BOD1L1: variants seen among roughly 807,000 people sequenced by gnomAD.
BOD1L1 encodes the protein biorientation of chromosomes in cell division protein 1-like 1.
BOD1L1 carries 86 observed loss-of-function variants against 240.7 expected under a neutral mutation model. That is an observed-to-expected ratio of 0.36 (90% CI 0.30 to 0.43). The LOEUF is 0.43. Ranked by LOEUF, BOD1L1 falls within the 20% of genes least tolerant of loss-of-function variation. The pLI is 1.00. For synonymous variants in BOD1L1, 1,268 were observed against 1,272.3 expected, an observed-to-expected ratio of 1.00 and a Z score of 0.07; for missense variants, 3,554 against 3,643.5, an observed-to-expected ratio of 0.98 and a Z score of 0.63.
rs774556420 is a variant in BOD1L1, at chr4:13,600,161, T to C, written c.6739A>G (p.Met2247Val). 5.6e-6 allele frequency: 9 copies of C among 1,614,004 alleles called. No homozygotes were observed. The Admixed American group carries it at 1.3e-4, about 24-fold the overall frequency. The change falls in exon 10 of 26, where the codon ATG (methionine) becomes GTG (valine). Residue 2247 changes from methionine to valine, a missense_variant. By Grantham distance (21) the Met-to-Val change is conservative. Around this residue, in one of 2 missense-constraint regions of BOD1L1, gnomAD observed 3,393 missense variants for 3,427.1 expected, o/e 0.99. Coordinates refer to ENST00000040738, the MANE Select transcript of BOD1L1 (RefSeq NM_148894.3). ...ESENERAGTV[M>V]EEKDGSGIIS... ...ATGCCACTCCCGTCTTTTTCTTCCA[T>C]GACTGTGCCAGCTCGCTCATTTTCA... is the stretch of plus-strand genomic sequence containing the variant.
At position 13,581,203 on chromosome 4, in the gene BOD1L1, T is replaced by C; in HGVS notation, c.8597A>G (p.Asp2866Gly). ...TTTCCTTTTAATAATTATTGGCTGA[T>C]CTTCCTAAGGGGGAAATAAAAAACA... ...DDDTIKSQEEDQPIIIKRKRG... is the reference protein window; with the variant it reads ...DDDTIKSQEEGQPIIIKRKRG... The change falls in exon 20 of 26, where the codon GAT (aspartate) becomes GGT (glycine). Residue 2866 changes from aspartate to glycine, a missense_variant. Asp to Gly is a moderately conservative substitution (Grantham distance 94). This residue lies in a region of BOD1L1 where 3,393 missense variants were observed against 3,427.1 expected (regional missense o/e 0.99). Coordinates refer to ENST00000040738, the MANE Select transcript of BOD1L1 (RefSeq NM_148894.3). 6.4e-7 allele frequency: 1 copy of C among 1,561,902 alleles called. No homozygotes were observed. Among genetic ancestry groups the C allele is most frequent in the Non-Finnish European group, 8.7e-7 (1 of 1,151,718 alleles).
In BOD1L1 at chr4:13,595,920, T is replaced by G. The variant is rs779349235; in HGVS notation, c.8044A>C (p.Lys2682Gln). 6.2e-7 allele frequency: 1 copy of G among 1,613,672 alleles called. No homozygotes were observed. The highest frequency in any genetic ancestry group is 8.5e-7 in the Non-Finnish European group (1 of 1,179,850). Residue 2682 changes from lysine to glutamine, a missense_variant, in exon 12 of 26, where the codon AAA becomes CAA. Coordinates refer to ENST00000040738, the MANE Select transcript of BOD1L1 (RefSeq NM_148894.3). The stretch of plus-strand genomic sequence containing the variant: ...GGTGGTGCCAGAATTTCACCATTTT[T>G]CTCTTCCTCTGAAGGCACATAAGCC... ...MEAYVPSEEE[K>Q]NGEILAPPES...
Position 13,599,468 on chromosome 4 carries a change from T to C in BOD1L1, c.7432A>G (p.Thr2478Ala). 1 of 1,614,016 alleles carries C rather than the reference T, an allele frequency of 6.2e-7. No individual in the cohort carries two copies. The highest frequency in any genetic ancestry group is 8.5e-7 in the Non-Finnish European group (1 of 1,179,876). Reference protein sequence around the residue: ...SLQKEDKSPETGTAGGSSTAS... With the variant: ...SLQKEDKSPEAGTAGGSSTAS... ...GTGCTACTGCCCCCTGCTGTCCCTGTCTCTGGGCTCTTATCTTCTTTCTGA... is the reference window on the plus strand; with the variant it reads ...GTGCTACTGCCCCCTGCTGTCCCTGCCTCTGGGCTCTTATCTTCTTTCTGA... The change falls in exon 10 of 26, where the codon ACA becomes GCA. Residue 2478 changes from threonine (T) to alanine (A), a missense_variant. By Grantham distance (58) the Thr-to-Ala change is moderately conservative (BLOSUM62 0). Coordinates refer to ENST00000040738, the MANE Select transcript of BOD1L1 (RefSeq NM_148894.3).
intron 10 of BOD1L1, 147 bp downstream of exon 10, chr4:13,598,799 T>C (rs1714823297): frequency 6.4e-6 from 5 of 783,730 alleles, no homozygotes; most frequent in Admixed American, 3.2e-5. Context: ...GAGAGTTATT[T>C]TGCAACATTA....
chr4:13,599,688 G>A lies in BOD1L1; in HGVS notation c.7212C>T (p.Thr2404=), dbSNP rs557778662. 2.1e-5 allele frequency: 34 copies of A among 1,613,726 alleles called. No individual in the cohort carries two copies. The Admixed American group carries it at 4.2e-4, about 20-fold the overall frequency. The part of the protein sequence containing the change: ...KEPGPVLAVS[T]EEGHNGPSVH... Reference sequence around the variant, plus strand: ...CTGATGGCCCGTTGTGCCCCTCCTCGGTGCTCACTGCCAACACGGGACCCG... The same window carrying A: ...CTGATGGCCCGTTGTGCCCCTCCTCAGTGCTCACTGCCAACACGGGACCCG... The change falls in exon 10 of 26, where the codon ACC becomes ACT. Residue 2404 remains threonine, a synonymous_variant. Coordinates refer to ENST00000040738, the MANE Select transcript of BOD1L1 (RefSeq NM_148894.3).
chr4:13,619,878 C>T, intron 2 of BOD1L1, 65 bp downstream of exon 2: 1 of 1,555,164 alleles, frequency 6.4e-7, no homozygotes, highest in Non-Finnish European at 8.8e-7. Flanking sequence ...TGTAATGCCT[C>T]CGCTTTCAGG....
chr4:13,596,284 G>A (rs1324290801), intron 11 of BOD1L1, among the ~76,000 whole-genome samples: 1 of 152,014 alleles, frequency 6.6e-6, no homozygotes, highest in African/African-American at 2.4e-5. Flanking sequence ...CAGCGCCTGA[G>A]ACACACCACG....
chr4:13,627,296 TG>T (rs2109009815), intron 1 of BOD1L1, 48 bp downstream of exon 1: 1 of 1,115,670 alleles, frequency 9.0e-7, no homozygotes, highest in East Asian at 3.7e-5. Flanking sequence ...AGCGCGCCCT[TG>T]GGTCCTCCCC....
chr4:13,573,936 T>G (rs1295299240), intron 25 of BOD1L1, among the ~76,000 whole-genome samples: 1 of 152,080 alleles, frequency 6.6e-6, no homozygotes, highest in Non-Finnish European at 1.5e-5. Context: ...CTCAGCCTCC[T>G]GAGTAGCTGG....
At position 13,605,100 on chromosome 4, in the gene BOD1L1, G is replaced by C; in HGVS notation, c.1816-16C>G. On this transcript the variant is annotated splice_polypyrimidine_tract_variant and intron_variant, in intron 9 of 25. Transcript: ENST00000040738. ...TTTCACAATGCTGAAAGAAAACAAA[G>C]GTTAAAATATGAGAAATACCAAAAT... 6.7e-7 allele frequency: 1 copy of C among 1,493,530 alleles called. No individual in the cohort carries two copies. Among genetic ancestry groups the C allele is most frequent in the East Asian group, 2.4e-5 (1 of 42,336 alleles). 92.5% of individuals were successfully genotyped at this position (1,493,530 alleles called of 1,614,324 possible).
intron 6 of BOD1L1, among the ~76,000 whole-genome samples, chr4:13,610,625 G>A (rs953873069): frequency 6.6e-6 from 1 of 152,206 alleles, no homozygotes; most frequent in African/African-American, 2.4e-5. Flanking sequence ...TTCATGTTTA[G>A]ACTTGCATTC....
At chr4:13,625,815 C>T (rs1266805730) in intron 1 of BOD1L1, 2 of 152,116 alleles carry the variant, frequency 1.3e-5, no homozygotes, top group Non-Finnish European at 2.9e-5. Flanking sequence ...GATGAACACT[C>T]CCAAGTGAAT....
chr4:13,625,775 A>C (rs1232661099), intron 1 of BOD1L1: 1 of 152,242 alleles, frequency 6.6e-6, no homozygotes, highest in Non-Finnish European at 1.5e-5. Context: ...TCCTGAAGAC[A>C]AAAGTAAAAA....
Position 13,604,356 on chromosome 4 carries a change from A to G in BOD1L1, c.2544T>C (p.Ser848=), listed in dbSNP as rs1420729208. 4 of 1,581,166 alleles carry G rather than the reference A, an allele frequency of 2.5e-6. No individual in the cohort carries two copies. In the African/African-American group the frequency reaches 4.1e-5, roughly 16 times the overall value. ...AACCCAGAGAATCTTTCTGAATTTT[A>G]GAATCACTTGACCTTCTTGATTTGT... ...AEHKSRRSSD[S]KIQKDSLGSK... is the part of the protein sequence containing the mutation. Residue 848 remains serine (S), a synonymous_variant, in exon 10 of 26, where the codon TCT becomes TCC. Coordinates refer to ENST00000040738, the MANE Select transcript of BOD1L1 (RefSeq NM_148894.3).
rs1711985568 is a variant in BOD1L1, at chr4:13,569,030, A to G, written c.*981T>C. 6.6e-6 allele frequency: 1 copy of G among 152,236 alleles called. No individual in the cohort carries two copies. The highest frequency in any genetic ancestry group is 1.5e-5 in the Non-Finnish European group (1 of 68,044). The allele number at this position is 152,236 out of a possible 1,614,324, so 9.4% of individuals were successfully genotyped here. ...TGAGAGTTAAAACATGTTTAAAAAA[A>G]CACTTGGCAATAAAGCCAGTTTCTA... is the stretch of plus-strand genomic sequence containing the variant. On this transcript the variant is annotated 3_prime_UTR_variant, in exon 26 of 26. Coordinates refer to ENST00000040738, the MANE Select transcript of BOD1L1 (RefSeq NM_148894.3).
At chr4:13,596,448 G>A (rs112538200) in intron 11 of BOD1L1, among the ~76,000 whole-genome samples, 21 of 152,118 alleles carry the variant, frequency 1.4e-4, no homozygotes, top group African/African-American at 4.1e-4. Flanking sequence ...CTACTATTGG[G>A]CAAGTTGTGT....
chr4:13,619,779 G>T (rs1197802542), intron 2 of BOD1L1, among the ~76,000 whole-genome samples, 164 bp downstream of exon 2: 1 of 152,140 alleles, frequency 6.6e-6, no homozygotes, highest in Non-Finnish European at 1.5e-5. Flanking sequence ...GAAGTGATTA[G>T]ACCCAAATCC....
chr4:13,608,991 C>A, intron 7 of BOD1L1, among the ~76,000 whole-genome samples: 1 of 152,222 alleles, frequency 6.6e-6, no homozygotes, highest in African/African-American at 2.4e-5. Context: ...TCATTAATCA[C>A]CAGCAAGGGT....
chr4:13,600,565 G>A lies in BOD1L1; in HGVS notation c.6335C>T (p.Thr2112Ile). The A allele has an allele frequency of 6.2e-7, 1 of 1,613,680 alleles. No homozygotes were observed. Among genetic ancestry groups the A allele is most frequent in the Non-Finnish European group, 8.5e-7 (1 of 1,179,802 alleles). ...GGGCATGGGGGCCTCAAATTCTTCT[G>A]TGGTTACTCTGGTACCTTCCATATT... ...EENMEGTRVT[T>I]EEFEAPMPSA... The change falls in exon 10 of 26, where the codon ACA becomes ATA. Residue 2112 changes from threonine to isoleucine, a missense_variant. Transcript: ENST00000040738.
Sources: gnomAD v4.1 joint callset for allele counts (sites outside exome capture counted in the v4.1 genomes callset) on GRCh38, gnomAD v4.1.1 for gene constraint, gnomAD v4.1.1 regional missense constraint, MANE v1.5 for transcripts, NCBI Gene and HGNC (gene_info 2026-07-23, HGNC 2026-07-21) for gene names.